The following NRXN1 variants were observed in gnomAD, a reference collection of about 807,000 sequenced individuals.
NRXN1 encodes neurexin-1.
Under a neutral mutation model 150.9 loss-of-function variants are expected in NRXN1, and 39 were observed. That is an observed-to-expected ratio of 0.26 (90% confidence interval 0.20 to 0.34). The LOEUF is 0.34. NRXN1 is among the 10% of genes least tolerant of loss of function. NRXN1 has a pLI of 1.00. For synonymous variants in NRXN1, 924 were observed against 757.0 expected (o/e 1.22, Z -3.62); for missense variants, 1,815 against 1,949.9 (o/e 0.93, Z 1.30).
intron 5 of NRXN1, among the ~76,000 whole-genome samples, chr2:50,725,344 TAA>T (rs377367298): frequency 7.0e-6 from 1 of 143,866 alleles, no homozygotes; most frequent in Admixed American, 7.0e-5. Context: ...TTCAACAACT[TAA>T]AAAAAAAAAC....
At chr2:50,868,048 C>T (rs1677186271) in intron 5 of NRXN1, among the ~76,000 whole-genome samples, 1 of 149,894 alleles carries the variant, frequency 6.7e-6, no homozygotes, top group Admixed American at 6.7e-5. Flanking sequence ...TTTCCCCAAA[C>T]CGCAGAAAAT....
At chr2:50,919,801 C>T (rs1034263645) in intron 5 of NRXN1, 2 of 158,332 alleles carry the variant, frequency 1.3e-5, no homozygotes, top group East Asian at 1.9e-4. Context: ...TGGGGATATT[C>T]ACATAAGACA....
intron 15 of NRXN1, among the ~76,000 whole-genome samples, chr2:50,491,948 G>C (rs867629828): frequency 6.6e-6 from 1 of 151,804 alleles, no homozygotes; most frequent in African/African-American, 2.4e-5. Flanking sequence ...TAAATCCCTG[G>C]GTAATTGCAA....
In NRXN1 at chr2:50,528,667, T is replaced by C. The variant is rs1376043946; in HGVS notation, c.2348-16A>G. On this transcript the variant is annotated splice_polypyrimidine_tract_variant and intron_variant, in intron 11 of 22. Coordinates refer to ENST00000401669, the MANE Select transcript of NRXN1 (RefSeq NM_001330078.2). ...CTGATACAATCTAGATGGGGAAGAA[T>C]AGATGAAAAATGAAAATTCATCCTT... 4.6e-6 allele frequency: 7 copies of C among 1,532,858 alleles called. No homozygotes were observed. The South Asian group carries it at 5.9e-5, about 13-fold the overall frequency. 95.0% of individuals were successfully genotyped at this position (1,532,858 alleles called of 1,614,324 possible).
rs1667687257 is a variant in NRXN1, at chr2:49,918,506, G to GTGAT, written c.*3434_*3437dup. Reference sequence around the variant, plus strand: ...AAATTAGGCAAATAGTAACGAGTATGTGATAGTGTTGGAATTTAATCACAG... The same window carrying GTGAT: ...AAATTAGGCAAATAGTAACGAGTATGTGATTGATAGTGTTGGAATTTAATCACAG... On this transcript the variant is annotated 3_prime_UTR_variant, in exon 23 of 23. Coordinates refer to ENST00000401669, the MANE Select transcript of NRXN1 (RefSeq NM_001330078.2). The GTGAT allele has an allele frequency of 6.6e-6, 1 of 152,116 alleles. No homozygotes were observed. The highest frequency in any genetic ancestry group is 6.6e-5 in the Admixed American group (1 of 15,266). The allele number at this position is 152,116 out of a possible 1,614,324, so 9.4% of individuals were successfully genotyped here. A position where few individuals can be genotyped will look rare whatever the true frequency, so the allele number is the denominator to read the frequency against.
At chr2:50,759,704 T>G (rs1158530155) in intron 5 of NRXN1, among the ~76,000 whole-genome samples, 1 of 151,798 alleles carries the variant, frequency 6.6e-6, no homozygotes, top group Non-Finnish European at 1.5e-5. Flanking sequence ...GACATGAGGG[T>G]AAATATGCTT....
At chr2:50,551,653 T>C (rs565972000) in intron 9 of NRXN1, among the ~76,000 whole-genome samples, 5 of 152,286 alleles carry the variant, frequency 3.3e-5, no homozygotes, top group African/African-American at 1.2e-4. Flanking sequence ...TAAGATCATT[T>C]GATTTATGTA....
chr2:50,493,187 T>C (rs937785117), intron 15 of NRXN1, among the ~76,000 whole-genome samples: 1 of 152,192 alleles, frequency 6.6e-6, no homozygotes, highest in African/African-American at 2.4e-5. Flanking sequence ...AGCTCAGTGC[T>C]ACATGATTAG....
chr2:50,737,841 T>C (rs2105249538), intron 5 of NRXN1, among the ~76,000 whole-genome samples: 1 of 152,214 alleles, frequency 6.6e-6, no homozygotes, highest in Non-Finnish European at 1.5e-5. Context: ...CCAAAAACAT[T>C]ACAACAAGGC....
intron 18 of NRXN1, among the ~76,000 whole-genome samples, chr2:50,105,965 T>C (rs1701585903): frequency 6.6e-6 from 1 of 151,792 alleles, no homozygotes; most frequent in African/African-American, 2.4e-5. Flanking sequence ...AATTGATCCA[T>C]TAGAAGTAAT....
chr2:50,833,425 T>G (rs1035676936), intron 5 of NRXN1, among the ~76,000 whole-genome samples: 2 of 152,210 alleles, frequency 1.3e-5, no homozygotes, highest in Non-Finnish European at 2.9e-5. Flanking sequence ...GGTACATGGA[T>G]AAACATACTG....
At chr2:50,914,870 G>A (rs1684994496) in intron 5 of NRXN1, among the ~76,000 whole-genome samples, 1 of 151,618 alleles carries the variant, frequency 6.6e-6, no homozygotes, top group Admixed American at 6.6e-5. Context: ...AGAATTTATT[G>A]AGTATCTATT....
intron 5 of NRXN1, among the ~76,000 whole-genome samples, chr2:50,661,029 T>C (rs1423091244): frequency 6.6e-6 from 1 of 152,058 alleles, no homozygotes; most frequent in Non-Finnish European, 1.5e-5. Flanking sequence ...CATTCTCATC[T>C]AGGTTCATGA....
At chr2:50,462,839 T>C (rs2088375190) in intron 17 of NRXN1, among the ~76,000 whole-genome samples, 1 of 151,830 alleles carries the variant, frequency 6.6e-6, no homozygotes, top group Non-Finnish European at 1.5e-5. Flanking sequence ...CAGGCTAATA[T>C]AAATACATTT....
intron 5 of NRXN1, among the ~76,000 whole-genome samples, chr2:50,822,974 G>A (rs1473519254): frequency 6.6e-6 from 1 of 152,066 alleles, no homozygotes; most frequent in Non-Finnish European, 1.5e-5. Context: ...GCAATGAGAG[G>A]GGCATACAAT....
chr2:49,929,031 C>T (rs1204980948), intron 22 of NRXN1, among the ~76,000 whole-genome samples: 2 of 152,168 alleles, frequency 1.3e-5, no homozygotes, highest in Non-Finnish European at 2.9e-5. Context: ...CGATATTTTC[C>T]TCTGCTTCTT....
intron 5 of NRXN1, among the ~76,000 whole-genome samples, chr2:50,679,915 T>C (rs1690121609): frequency 6.6e-6 from 1 of 152,056 alleles, no homozygotes; most frequent in African/African-American, 2.4e-5. Flanking sequence ...GGCAGATCAC[T>C]TGAGCCCAGG....
In NRXN1 at chr2:51,028,620, A is replaced by T. The variant is rs1479194392; in HGVS notation, c.-347T>A. ...GCACTGACCCATTTGAGTCTGATTA[A>T]CTAATTTAAGAGTATCTGCAGTGTC... On this transcript the variant is annotated 5_prime_UTR_variant, in exon 2 of 23. Coordinates refer to ENST00000401669, the MANE Select transcript of NRXN1 (RefSeq NM_001330078.2). The T allele has an allele frequency of 4.1e-6, 1 of 244,864 alleles. No individual in the cohort carries two copies. The highest frequency in any genetic ancestry group is 7.8e-6 in the Non-Finnish European group (1 of 129,004). The allele number at this position is 244,864 out of a possible 1,614,324, so 15.2% of individuals were successfully genotyped here.
chr2:50,863,221 T>C (rs544435203), intron 5 of NRXN1, among the ~76,000 whole-genome samples: 1 of 152,154 alleles, frequency 6.6e-6, no homozygotes, highest in Admixed American at 6.5e-5. Flanking sequence ...ATGAGATAAC[T>C]TTAAGGAGAG....
Sources: allele counts gnomAD v4.1 joint callset (sites outside exome capture counted in the v4.1 genomes callset), GRCh38; gene constraint gnomAD v4.1.1; transcripts MANE v1.5; gene names NCBI Gene and HGNC (gene_info 2026-07-23, HGNC 2026-07-21).